The following WWOX variants were observed in gnomAD, a reference collection of about 807,000 sequenced individuals.
WWOX encodes the protein WW domain containing oxidoreductase.
WWOX carries 69 observed loss-of-function variants against 46.2 expected under a neutral mutation model. The observed-to-expected ratio is 1.49, with a 90% confidence interval of 1.23 to 1.82. WWOX has a LOEUF of 1.82. Ranked by LOEUF, WWOX falls within the 40% of genes most tolerant of loss-of-function variation. The pLI is 0.00. For missense variants in WWOX, 919 were observed against 542.6 expected, an observed-to-expected ratio of 1.69 and a Z score of -6.89; for synonymous variants, 359 against 202.6, an observed-to-expected ratio of 1.77 and a Z score of -6.56.
At chr16:78,468,768 T>C (rs1159726064) in intron 8 of WWOX, among the ~76,000 whole-genome samples, 1 of 152,156 alleles carries the variant, frequency 6.6e-6, no homozygotes. Flanking sequence ...TCAAATGAGT[T>C]GGAGTGGGAT....
intron 5 of WWOX, among the ~76,000 whole-genome samples, chr16:78,249,388 T>C (rs1174446300): frequency 1.3e-5 from 2 of 152,258 alleles, no homozygotes; most frequent in Non-Finnish European, 2.9e-5. Flanking sequence ...TCGTATTGTT[T>C]ATCTTAATGC....
intron 8 of WWOX, among the ~76,000 whole-genome samples, chr16:78,741,212 C>G (rs551323923): frequency 2.0e-5 from 3 of 152,164 alleles, no homozygotes; most frequent in African/African-American, 7.2e-5. Flanking sequence ...TATTATAATC[C>G]TGTAACAGAA....
intron 8 of WWOX, among the ~76,000 whole-genome samples, chr16:78,556,760 G>C (rs184904212): frequency 2.0e-5 from 3 of 151,888 alleles, no homozygotes; most frequent in Non-Finnish European, 2.9e-5. Context: ...TTTTTGCCCA[G>C]CCTGGAGTGA....
chr16:78,131,138 ATTG>A (rs1329626078), intron 4 of WWOX, among the ~76,000 whole-genome samples: 1 of 152,180 alleles, frequency 6.6e-6, no homozygotes, highest in Non-Finnish European at 1.5e-5. Flanking sequence ...TCTGCACTCC[ATTG>A]TTGACCAATG....
At chr16:78,486,114 G>T (rs982598579) in intron 8 of WWOX, among the ~76,000 whole-genome samples, 1 of 152,126 alleles carries the variant, frequency 6.6e-6, no homozygotes, top group Non-Finnish European at 1.5e-5. Flanking sequence ...GTGGTATGCC[G>T]GTAAGTGTTG....
chr16:78,215,111 T>C (rs1231987989), intron 5 of WWOX, among the ~76,000 whole-genome samples: 3 of 151,996 alleles, frequency 2.0e-5, no homozygotes, highest in Non-Finnish European at 4.4e-5. Flanking sequence ...GAAGATTGCA[T>C]GATATTTCTG....
chr16:78,666,664 G>A (rs1252902071), intron 8 of WWOX, among the ~76,000 whole-genome samples: 2 of 152,200 alleles, frequency 1.3e-5, no homozygotes, highest in African/African-American at 4.8e-5. Flanking sequence ...GTCATCTTGG[G>A]AAGGGCCATC....
At chr16:79,037,059 C>A (rs1227873473) in intron 8 of WWOX, among the ~76,000 whole-genome samples, 1 of 152,160 alleles carries the variant, frequency 6.6e-6, no homozygotes, top group Non-Finnish European at 1.5e-5. Context: ...GTTAAGAATG[C>A]AGGGCTCTTC....
chr16:78,123,001 A>T (rs1233256932), intron 4 of WWOX, among the ~76,000 whole-genome samples: 1 of 152,124 alleles, frequency 6.6e-6, no homozygotes, highest in African/African-American at 2.4e-5. Flanking sequence ...GATATAATTA[A>T]ACAAAAGAGG....
chr16:78,331,922 A>C (rs1320791004), intron 5 of WWOX, among the ~76,000 whole-genome samples: 1 of 152,160 alleles, frequency 6.6e-6, no homozygotes, highest in Non-Finnish European at 1.5e-5. Context: ...CAATGTGCCA[A>C]CAGGGAGAAG....
intron 8 of WWOX, among the ~76,000 whole-genome samples, chr16:78,780,218 C>G (rs1477414): frequency 6.6e-6 from 1 of 151,886 alleles, no homozygotes; most frequent in Non-Finnish European, 1.5e-5. Flanking sequence ...AAAAAACACC[C>G]ATACCATTCT....
intron 8 of WWOX, among the ~76,000 whole-genome samples, chr16:79,200,795 C>G (rs748112946): frequency 6.6e-6 from 1 of 152,134 alleles, no homozygotes; most frequent in Non-Finnish European, 1.5e-5. Flanking sequence ...TGATATTGTA[C>G]CTGGGCTCAG....
intron 8 of WWOX, among the ~76,000 whole-genome samples, chr16:78,942,811 G>A (rs2045877875): frequency 6.6e-6 from 1 of 152,144 alleles, no homozygotes; most frequent in Non-Finnish European, 1.5e-5. Context: ...ACTTCTCTCT[G>A]GTTTCCCGGA....
At chr16:78,828,224 C>T (rs554027645) in intron 8 of WWOX, among the ~76,000 whole-genome samples, 1 of 152,276 alleles carries the variant, frequency 6.6e-6, no homozygotes, top group South Asian at 2.1e-4. Context: ...GGCTTCTGCT[C>T]CCTGTCACAG....
chr16:78,615,279 C>T (rs1185758534), intron 8 of WWOX, among the ~76,000 whole-genome samples: 4 of 152,138 alleles, frequency 2.6e-5, no homozygotes, highest in Admixed American at 6.5e-5. Flanking sequence ...CTGCTACAGA[C>T]GTCAGGTCCC....
intron 8 of WWOX, among the ~76,000 whole-genome samples, chr16:78,739,194 G>A (rs985373828): frequency 6.6e-6 from 1 of 151,956 alleles, no homozygotes; most frequent in Non-Finnish European, 1.5e-5. Flanking sequence ...GGATTCTTAA[G>A]TACCCGGCTA....
At chr16:78,112,212 A>T (rs2032532554) in intron 3 of WWOX, among the ~76,000 whole-genome samples, 1 of 152,150 alleles carries the variant, frequency 6.6e-6, no homozygotes, top group South Asian at 2.1e-4. Flanking sequence ...TTGCTACATC[A>T]TTTGGGAGTT....
At chr16:79,013,970 G>A (rs1169664498) in intron 8 of WWOX, among the ~76,000 whole-genome samples, 1 of 152,212 alleles carries the variant, frequency 6.6e-6, no homozygotes, top group African/African-American at 2.4e-5. Context: ...TCCGCCGCCT[G>A]TAAGGATTTT....
rs553515461 is a variant in WWOX at position 78,830,976 on chromosome 16, G to A, written c.1057-380632G>A. On this transcript the variant is annotated intron_variant, in intron 8 of 8. Transcript: ENST00000566780. ...ATGTTTAGGAGGATTTGGAAACCAT[G>A]TTCTTTTAAAGGGCACTAATGATGC... 1.2e-4 allele frequency among the ~76,000 whole-genome samples: 18 copies of A among 152,306 alleles called. No individual in the cohort carries two copies. The East Asian group carries it at 2.9e-3, about 25-fold the overall frequency.
Sources: gnomAD v4.1 joint callset for allele counts (sites outside exome capture counted in the v4.1 genomes callset) on GRCh38, gnomAD v4.1.1 for gene constraint, MANE v1.5 for transcripts, NCBI Gene and HGNC (gene_info 2026-07-23, HGNC 2026-07-21) for gene names.